RPA3: variants seen among roughly 807,000 people sequenced by gnomAD.
RPA3 encodes the protein replication protein A 14 kDa subunit.
RPA3 carries 24 observed loss-of-function variants against 13.7 expected under a neutral mutation model. That is an observed-to-expected ratio of 1.75 (90% confidence interval 1.27 to 2.46). RPA3 has a LOEUF of 2.46. RPA3 is among the 30% of genes most tolerant of loss of function. The probability of loss-of-function intolerance (pLI) is 0.00; values close to 1 mark genes in which losing one functional copy is unlikely to be tolerated. For missense variants in RPA3, 183 were observed against 151.0 expected (o/e 1.21, Z -1.11); for synonymous variants, 59 against 51.2 (o/e 1.15, Z -0.65).
intron 4 of RPA3, among the ~76,000 whole-genome samples, chr7:7,646,029 A>C (rs1202806862): frequency 6.6e-6 from 1 of 152,138 alleles, no homozygotes; most frequent in Non-Finnish European, 1.5e-5. Context: ...GAGCAGGTGC[A>C]GGAGTTGGGG....
chr7:7,638,169 T>C (rs1048363309), intron 6 of RPA3, 197 bp from the exon 7 acceptor site: 9 of 461,024 alleles, frequency 2.0e-5, no homozygotes, highest in Non-Finnish European at 3.2e-5. Flanking sequence ...AAATTCCTGC[T>C]ACCTTTAGCA....
In RPA3 at chr7:7,717,506, A is replaced by G. The variant is rs187697230; in HGVS notation, c.-1080+1009T>C. Among the ~76,000 whole-genome samples, 285 of 152,306 alleles carry G rather than the reference A, an allele frequency of 1.9e-3. 1 individual carries two copies. The highest frequency in any genetic ancestry group is 6.6e-3 in the African/African-American group (274 of 41,570). ...GAAGTATTTACTTTATTAAATGAAT[A>G]TGATTTATTGTTTTGAAGTAAAATG... On this transcript the variant is annotated intron_variant, in intron 1 of 7. Coordinates refer to ENST00000223129, the MANE Select transcript of RPA3 (RefSeq NM_002947.5).
chr7:7,684,976 C>T (rs1000648774), intron 4 of RPA3, among the ~76,000 whole-genome samples: 5 of 152,186 alleles, frequency 3.3e-5, no homozygotes, highest in African/African-American at 9.7e-5. Context: ...TGTTTCCTTA[C>T]AGGCTTTACT....
intron 4 of RPA3, among the ~76,000 whole-genome samples, chr7:7,658,718 T>G (rs1785403558): frequency 6.6e-6 from 1 of 152,210 alleles, no homozygotes; most frequent in Non-Finnish European, 1.5e-5. Context: ...TTTGCCAGTA[T>G]CTTATTGAGT....
intron 6 of RPA3, 88 bp from the exon 7 acceptor site, chr7:7,638,060 T>A: frequency 2.4e-6 from 2 of 851,026 alleles, no homozygotes; most frequent in Non-Finnish European, 3.8e-6. Flanking sequence ...GTTACTAATC[T>A]ATCACTTCAA....
chr7:7,658,850 C>T (rs887653294), intron 4 of RPA3, among the ~76,000 whole-genome samples: 22 of 151,910 alleles, frequency 1.4e-4, no homozygotes, highest in Admixed American at 8.5e-4. Context: ...CCCTTTTTTT[C>T]TATTGTTTGG....
At chr7:7,678,009 T>C (rs1408667609) in intron 4 of RPA3, among the ~76,000 whole-genome samples, 1 of 152,216 alleles carries the variant, frequency 6.6e-6, no homozygotes, top group Non-Finnish European at 1.5e-5. Flanking sequence ...CTTAGGTTGA[T>C]TCTATATGTT....
intron 4 of RPA3, among the ~76,000 whole-genome samples, chr7:7,679,675 A>T (rs1779853417): frequency 7.9e-6 from 1 of 125,958 alleles, no homozygotes; most frequent in South Asian, 2.4e-4. Flanking sequence ...TTTAATTTAT[A>T]GATAAATATA....
intron 4 of RPA3, among the ~76,000 whole-genome samples, chr7:7,648,486 G>A (rs1416224972): frequency 1.3e-5 from 2 of 152,098 alleles, no homozygotes; most frequent in Non-Finnish European, 2.9e-5. Context: ...TGTGGCTACT[G>A]ATGTATTATG....
At chr7:7,667,956 C>T (rs766708690) in intron 4 of RPA3, among the ~76,000 whole-genome samples, 3 of 152,142 alleles carry the variant, frequency 2.0e-5, no homozygotes, top group Non-Finnish European at 4.4e-5. Context: ...AACACAGGGT[C>T]TTGCTCTGTC....
At chr7:7,710,838 T>C (rs1780740025) in intron 2 of RPA3, among the ~76,000 whole-genome samples, 1 of 152,142 alleles carries the variant, frequency 6.6e-6, no homozygotes, top group Admixed American at 6.5e-5. Flanking sequence ...ATCTATATCA[T>C]GGAATAATAC....
chr7:7,639,530 G>A (rs1269722224), intron 5 of RPA3, among the ~76,000 whole-genome samples: 1 of 152,172 alleles, frequency 6.6e-6, no homozygotes, highest in Admixed American at 6.5e-5. Context: ...GAAGTAAAAG[G>A]AGAACTGGTT....
In RPA3 at chr7:7,639,093, C is replaced by T; in HGVS notation, c.151G>A (p.Gly51Arg). ...FILSDGEGKN[G>R]TIELMEPLDE... is the part of the protein sequence containing the mutation. ...ACGGGTTCCATCAACTCGATGGTTC[C>T]ATTTTTTCCTTCTCCATCTGAAAGA... The change falls in exon 6 of 8, where the codon GGA (glycine) becomes AGA (arginine). Residue 51 changes from glycine to arginine, a missense_variant. Gly to Arg is a moderately radical substitution (Grantham distance 125, BLOSUM62 -2). Coordinates refer to ENST00000223129, the MANE Select transcript of RPA3 (RefSeq NM_002947.5). The T allele has an allele frequency of 1.2e-6, 2 of 1,612,634 alleles. No homozygotes were observed. The highest frequency in any genetic ancestry group is 1.7e-6 in the Non-Finnish European group (2 of 1,179,370).
At position 7,715,175 on chromosome 7, in the gene RPA3, C is replaced by G. The variant is rs764048511; in HGVS notation, c.-1028G>C. 2.6e-5 allele frequency: 4 copies of G among 152,094 alleles called. No individual in the cohort carries two copies. Among genetic ancestry groups the G allele is most frequent in the Non-Finnish European group, 5.9e-5 (4 of 68,024 alleles). 9.4% of individuals were successfully genotyped at this position (152,094 alleles called of 1,614,324 possible). On this transcript the variant is annotated splice_region_variant and 5_prime_UTR_variant, in exon 2 of 8. Coordinates refer to ENST00000223129, the MANE Select transcript of RPA3 (RefSeq NM_002947.5). ...AAACAGTTAAAGAAAATAAACTTAC[C>G]TGAAACTATTGTATTCCCTGTGCAT...
chr7:7,678,188 A>G (rs1563113173), intron 4 of RPA3, among the ~76,000 whole-genome samples: 1 of 151,924 alleles, frequency 6.6e-6, no homozygotes, highest in African/African-American at 2.4e-5. Context: ...TGGCTGTACT[A>G]ATTTACATTC....
chr7:7,696,513 A>G (rs1335027264), intron 2 of RPA3, among the ~76,000 whole-genome samples: 1 of 152,168 alleles, frequency 6.6e-6, no homozygotes, highest in Non-Finnish European at 1.5e-5. Context: ...TTTAGTTAGT[A>G]AAATTGTAGA....
intron 4 of RPA3, among the ~76,000 whole-genome samples, chr7:7,656,219 G>T (rs956847662): frequency 1.3e-5 from 2 of 152,126 alleles, no homozygotes; most frequent in African/African-American, 4.8e-5. Flanking sequence ...TGGTTCTGAG[G>T]GTGGAAGTGG....
intron 4 of RPA3, among the ~76,000 whole-genome samples, chr7:7,655,788 AG>A (rs1286780087): frequency 6.6e-6 from 1 of 151,838 alleles, no homozygotes; most frequent in African/African-American, 2.4e-5. Flanking sequence ...ATATTTTTGT[AG>A]GTATATAGTA....
intron 4 of RPA3, among the ~76,000 whole-genome samples, chr7:7,671,774 G>T (rs1015251249): frequency 2.0e-5 from 3 of 150,656 alleles, no homozygotes; most frequent in Non-Finnish European, 2.9e-5. Flanking sequence ...ATCTCTCCTT[G>T]CTCTCTATAG....
Sources: allele counts gnomAD v4.1 joint callset (sites outside exome capture counted in the v4.1 genomes callset), GRCh38; gene constraint gnomAD v4.1.1; transcripts MANE v1.5; gene names NCBI Gene and HGNC (gene_info 2026-07-23, HGNC 2026-07-21).